FOXH1: variants seen among roughly 807,000 people sequenced by gnomAD.
The protein encoded by FOXH1 is forkhead box protein H1.
In FOXH1, 10 loss-of-function variants were observed where a neutral mutation model predicts 14.2. The observed-to-expected ratio is 0.70, with a 90% CI of 0.43 to 1.19. The LOEUF (loss-of-function observed/expected upper bound fraction) is 1.19. Ranked by LOEUF, FOXH1 falls within the 50% of genes most tolerant of loss-of-function variation. The pLI is 0.00. For missense variants in FOXH1, 643 were observed against 492.1 expected (o/e 1.31, Z -2.90); for synonymous variants, 273 against 209.5 (o/e 1.30, Z -2.62).
Position 144,474,598 on chromosome 8 carries a change from C to T in FOXH1, c.738G>A (p.Glu246=). ...GAIGPSTLSP[E]PRAWPLHLLQ... is the part of the protein sequence containing the mutation. ...GTAAGTGGAGAGGCCAGGCCCTAGG[C>T]TCTGGGGAGAGGGTTGAGGGCCCGA... is the stretch of plus-strand genomic sequence containing the variant. Residue 246 remains glutamate, a synonymous_variant, in exon 3 of 3, where the codon GAG becomes GAA. Coordinates refer to ENST00000377317, the MANE Select transcript of FOXH1 (RefSeq NM_003923.3). 2 of 1,605,628 alleles carry T rather than the reference C, an allele frequency of 1.2e-6. No individual in the cohort carries two copies. The highest frequency in any genetic ancestry group is 1.7e-6 in the Non-Finnish European group (2 of 1,176,648).
At chr8:144,475,405 G>T (rs1045537522) in intron 1 of FOXH1, 144 bp from the exon 2 acceptor site, 8 of 916,272 alleles carry the variant, frequency 8.7e-6, no homozygotes, top group Non-Finnish European at 1.4e-5. Context: ...GCGGAAGCGC[G>T]GCAGAGAGGG....
Position 144,474,015 on chromosome 8 carries a change from G to T in FOXH1, c.*223C>A, listed in dbSNP as rs1825057678. The T allele has an allele frequency of 1.1e-5, 6 of 568,888 alleles. No homozygotes were observed. The highest frequency in any genetic ancestry group is 1.6e-5 in the Non-Finnish European group (5 of 321,394). 35.2% of individuals were successfully genotyped at this position (568,888 alleles called of 1,614,324 possible). On this transcript the variant is annotated 3_prime_UTR_variant, in exon 3 of 3. Transcript: ENST00000377317. ...TCAGCCCTGCTCCTGCAGCTTTGCCGCTGAGTGTAGGAAAAACAGGCATGA... is the reference window on the plus strand; with the variant it reads ...TCAGCCCTGCTCCTGCAGCTTTGCCTCTGAGTGTAGGAAAAACAGGCATGA...
rs1300418589 is a variant in FOXH1 at position 144,474,824 on chromosome 8, G to A, written c.512C>T (p.Ser171Phe). 5 of 1,611,588 alleles carry A rather than the reference G, an allele frequency of 3.1e-6. No individual in the cohort carries two copies. In the South Asian group the frequency reaches 4.4e-5, roughly 14 times the overall value. Residue 171 changes from serine (S) to phenylalanine (F), a missense_variant, in exon 3 of 3, where the codon TCC (serine) becomes TTC (phenylalanine). Ser to Phe is a radical substitution (Grantham distance 155). Coordinates refer to ENST00000377317, the MANE Select transcript of FOXH1 (RefSeq NM_003923.3). Reference sequence around the variant, plus strand: ...CCCCTCCCCGGACCCTCCTAGCAGGGACTTGATGCTGAAGCCCTCACTGGG... The same window carrying A: ...CCCCTCCCCGGACCCTCCTAGCAGGAACTTGATGCTGAAGCCCTCACTGGG... ...PPPSEGFSIK[S>F]LLGGSGEGAP...
Position 144,474,744 on chromosome 8 carries a change from T to G in FOXH1, c.592A>C (p.Asn198His). Residue 198 changes from asparagine (N) to histidine (H), a missense_variant, in exon 3 of 3, where the codon AAC (asparagine) becomes CAC (histidine). Transcript: ENST00000377317. ...GTGGGCACCGCCTCCTCCCCACTGT[T>G]CCCTGTGCCTGCAGGAACTGGGCTG... ...QSSPVPAGTG[N>H]SGEEAVPTPP... 6.4e-7 allele frequency: 1 copy of G among 1,567,548 alleles called. No individual in the cohort carries two copies. The highest frequency in any genetic ancestry group is 8.7e-7 in the Non-Finnish European group (1 of 1,154,598).
chr8:144,474,265 G>T lies in FOXH1; in HGVS notation c.1071C>A (p.Gly357=). ...HPRDLAAPGP[G]WLLSWCSL ...ACAGGCTGCACCAGGAGAGCAGCCAGCCTGGGCCAGGGGCCGCCAGGTCCC... is the reference window on the plus strand; with the variant it reads ...ACAGGCTGCACCAGGAGAGCAGCCATCCTGGGCCAGGGGCCGCCAGGTCCC... The change falls in exon 3 of 3, where the codon GGC becomes GGA. Residue 357 remains glycine, a synonymous_variant. Coordinates refer to ENST00000377317, the MANE Select transcript of FOXH1 (RefSeq NM_003923.3). 4 of 1,591,900 alleles carry T rather than the reference G, an allele frequency of 2.5e-6. No individual in the cohort carries two copies. The South Asian group carries it at 3.4e-5, about 14-fold the overall frequency.
At position 144,474,493 on chromosome 8, in the gene FOXH1, G is replaced by C; in HGVS notation, c.843C>G (p.Tyr281Ter). 2 of 1,611,674 alleles carry C rather than the reference G, an allele frequency of 1.2e-6. No homozygotes were observed. Among genetic ancestry groups the C allele is most frequent in the South Asian group, 1.1e-5 (1 of 91,016 alleles). Residue 281 changes from tyrosine (Y) to a stop codon, truncating the protein, a stop_gained, in exon 3 of 3, where the codon TAC becomes TAG. Coordinates refer to ENST00000377317, the MANE Select transcript of FOXH1 (RefSeq NM_003923.3). LOFTEE classifies it low-confidence loss of function (END_TRUNC). Reference sequence around the variant, plus strand: ...CCACATTGGGAGTGTAGATAGGCAAGTAGGAGGTGGGCAGCTGCCCCCAGA... The same window carrying C: ...CCACATTGGGAGTGTAGATAGGCAACTAGGAGGTGGGCAGCTGCCCCCAGA... Reference protein sequence around the residue: ...ASLWGQLPTSYLPIYTPNVVM... With the variant: ...ASLWGQLPTS
chr8:144,474,395 G>T lies in FOXH1; in HGVS notation c.941C>A (p.Ala314Asp). 6.2e-7 allele frequency: 1 copy of T among 1,613,254 alleles called. No homozygotes were observed. Among genetic ancestry groups the T allele is most frequent in the Non-Finnish European group, 8.5e-7 (1 of 1,180,016 alleles). The change falls in exon 3 of 3, where the codon GCC becomes GAC. Residue 314 changes from alanine (A) to aspartate (D), a missense_variant. Transcript: ENST00000377317. ...PSTSPAYWGV[A>D]PETRGPPGLL... ...CCCTGGGGGCCCTCGGGTTTCAGGG[G>T]CCACCCCCCAGTAGGCAGGGCTGGT...
chr8:144,475,316 C>G, intron 1 of FOXH1, 55 bp from the exon 2 acceptor site: 3 of 1,387,926 alleles, frequency 2.2e-6, no homozygotes, highest in Non-Finnish European at 3.0e-6. Flanking sequence ...GAGGGGGTAG[C>G]GCCCTACCCC....
intron 1 of FOXH1, 116 bp downstream of exon 1, chr8:144,475,467 T>G: frequency 1.1e-6 from 1 of 876,590 alleles, no homozygotes; most frequent in South Asian, 1.7e-5. Flanking sequence ...CTCTCAGGAC[T>G]GGTCCCACTG....
rs767764038 is a variant in FOXH1 at position 144,475,145 on chromosome 8, G to A, written c.279+12C>T. Reference sequence around the variant, plus strand: ...CGCTCCGCCCCCGGGCTCCGACCCTGGCCTGCCCCACCTTGCGGAAGCATC... The same window carrying A: ...CGCTCCGCCCCCGGGCTCCGACCCTAGCCTGCCCCACCTTGCGGAAGCATC... On this transcript the variant is annotated intron_variant, in intron 2 of 2. Transcript: ENST00000377317. The A allele has an allele frequency of 1.9e-6, 3 of 1,612,380 alleles. No homozygotes were observed. The highest frequency in any genetic ancestry group is 2.2e-5 in the South Asian group (2 of 90,928).
Position 144,474,853 on chromosome 8 carries a change from T to G in FOXH1, c.483A>C (p.Pro161=), listed in dbSNP as rs1238671515. Reference sequence around the variant, plus strand: ...TGATGCTGAAGCCCTCACTGGGTGGTGGCGGGGGACTGGGCGGCCGGTATG... The same window carrying G: ...TGATGCTGAAGCCCTCACTGGGTGGGGGCGGGGGACTGGGCGGCCGGTATG... ...GRPYRPPSPP[P]PPSEGFSIKS... Residue 161 remains proline, a synonymous_variant, in exon 3 of 3, where the codon CCA becomes CCC. Transcript: ENST00000377317. 1.2e-6 allele frequency: 2 copies of G among 1,611,600 alleles called. No individual in the cohort carries two copies. The highest frequency in any genetic ancestry group is 2.7e-5 in the African/African-American group (2 of 74,898).
At chr8:144,475,085 G>A in intron 2 of FOXH1, 29 bp from the exon 3 acceptor site, 1 of 1,599,780 alleles carries the variant, frequency 6.3e-7, no homozygotes, top group Non-Finnish European at 8.5e-7. Flanking sequence ...CATGGGTGGG[G>A]CTGCCCAACC....
In FOXH1 at chr8:144,474,347, A is replaced by G; in HGVS notation, c.989T>C (p.Leu330Pro). ...PPGLLCDLDA[L>P]FQGVPPNKSI... ...TTTGTTGGGTGGCACCCCTTGGAAG[A>G]GGGCGTCTAGATCGCAGAGCAGCCC... The change falls in exon 3 of 3, where the codon CTC (leucine) becomes CCC (proline). Residue 330 changes from leucine (L) to proline (P), a missense_variant. Physicochemically the swap from Leu to Pro is moderately conservative, Grantham distance 98 (BLOSUM62 -3). Coordinates refer to ENST00000377317, the MANE Select transcript of FOXH1 (RefSeq NM_003923.3). The G allele has an allele frequency of 6.2e-7, 1 of 1,613,008 alleles. No individual in the cohort carries two copies. The highest frequency in any genetic ancestry group is 8.5e-7 in the Non-Finnish European group (1 of 1,179,954).
Position 144,474,438 on chromosome 8 carries a change from A to G in FOXH1, c.898T>C (p.Cys300Arg). The change falls in exon 3 of 3, where the codon TGT (cysteine) becomes CGT (arginine). Residue 300 changes from cysteine to arginine, a missense_variant. Cys to Arg is a radical substitution (Grantham distance 180). Transcript: ENST00000377317. ...GGGCTGGTTGACGGACACTGGGGAC[A>G]GGAGGTGGGTGGTGGTGCCAAGGGC... ...VMPLAPPPTS[C>R]PQCPSTSPAY... 6.2e-7 allele frequency: 1 copy of G among 1,613,088 alleles called. No homozygotes were observed. Among genetic ancestry groups the G allele is most frequent in the Non-Finnish European group, 8.5e-7 (1 of 1,179,982 alleles).
In FOXH1 at chr8:144,473,755, C is replaced by T. The variant is rs1249466815; in HGVS notation, c.*483G>A. ...CATTAAAACGTTGCAAATTCCTTTACTGTTATCCCCCCCACCACCAGGACC... is the reference window on the plus strand; with the variant it reads ...CATTAAAACGTTGCAAATTCCTTTATTGTTATCCCCCCCACCACCAGGACC... On this transcript the variant is annotated 3_prime_UTR_variant, in exon 3 of 3. Coordinates refer to ENST00000377317, the MANE Select transcript of FOXH1 (RefSeq NM_003923.3). 1.2e-5 allele frequency: 5 copies of T among 417,222 alleles called. No homozygotes were observed. In the South Asian group the frequency reaches 1.5e-4, roughly 12 times the overall value. The allele number at this position is 417,222 out of a possible 1,614,324, so 25.8% of individuals were successfully genotyped here. A position where few individuals can be genotyped will look rare whatever the true frequency, so the allele number is the denominator to read the frequency against.
At position 144,473,542 on chromosome 8, in the gene FOXH1, C is replaced by A; in HGVS notation, c.*696G>T. The stretch of plus-strand genomic sequence containing the variant: ...GCTCCCAGAGTCACCCCTCCACCTC[C>A]GCAGCCAGTGAAGTGTGTTGTGCCT... On this transcript the variant is annotated 3_prime_UTR_variant, in exon 3 of 3. Transcript: ENST00000377317. The A allele has an allele frequency of 8.3e-7, 1 of 1,204,298 alleles. No homozygotes were observed. The highest frequency in any genetic ancestry group is 1.1e-6 in the Non-Finnish European group (1 of 897,738). The allele number at this position is 1,204,298 out of a possible 1,614,324, so 74.6% of individuals were successfully genotyped here. A position where few individuals can be genotyped will look rare whatever the true frequency, so the allele number is the denominator to read the frequency against.
chr8:144,475,542 G>A, intron 1 of FOXH1, 41 bp downstream of exon 1: 1 of 1,424,178 alleles, frequency 7.0e-7, no homozygotes. Flanking sequence ...GGTGGGGAAC[G>A]AGTCTGGGGA....
At chr8:144,475,283 C>T (rs772072561) in intron 1 of FOXH1, 22 bp from the exon 2 acceptor site, 29 of 1,600,194 alleles carry the variant, frequency 1.8e-5, no homozygotes, top group Non-Finnish European at 2.3e-5. Context: ...AGGCGGCCGG[C>T]CGGCGCCGTG....
In FOXH1 at chr8:144,474,727, C is replaced by T. The variant is rs757842328; in HGVS notation, c.609G>A (p.Ala203=). 34 of 1,546,826 alleles carry T rather than the reference C, an allele frequency of 2.2e-5. 1 individual carries two copies. In the Middle Eastern group the frequency reaches 5.2e-4, roughly 24 times the overall value. The change falls in exon 3 of 3, where the codon GCG becomes GCA. Residue 203 remains alanine, a synonymous_variant. Coordinates refer to ENST00000377317, the MANE Select transcript of FOXH1 (RefSeq NM_003923.3). The stretch of plus-strand genomic sequence containing the variant: ...AAGAGGGAAGGGGTGGGGTGGGCAC[C>T]GCCTCCTCCCCACTGTTCCCTGTGC... ...PAGTGNSGEE[A]VPTPPLPSSE...
Sources: allele counts gnomAD v4.1 joint callset, GRCh38; gene constraint gnomAD v4.1.1; transcripts MANE v1.5; gene names NCBI Gene and HGNC (gene_info 2026-07-23, HGNC 2026-07-21).